The following EHHADH variants were observed in gnomAD, a reference collection of about 807,000 sequenced individuals.
EHHADH encodes the protein enoyl-CoA hydratase and 3-hydroxyacyl CoA dehydrogenase, also known as peroxisomal bifunctional enzyme.
In EHHADH, 48 loss-of-function variants were observed where a neutral mutation model predicts 64.4. The observed-to-expected ratio is 0.75, with a 90% CI of 0.59 to 0.95. EHHADH has a LOEUF of 0.95. Among genes scored for constraint, EHHADH ranks in the 40% least tolerant of loss-of-function variants. EHHADH has a pLI of 0.00. For missense variants in EHHADH, 854 were observed against 876.6 expected, an observed-to-expected ratio of 0.97 and a Z score of 0.33; for synonymous variants, 308 against 326.7, an observed-to-expected ratio of 0.94 and a Z score of 0.62.
chr3:185,217,124 C>G (rs1454121766), intron 5 of EHHADH, among the ~76,000 whole-genome samples: 1 of 152,086 alleles, frequency 6.6e-6, no homozygotes, highest in Non-Finnish European at 1.5e-5. Context: ...AATGTGGTCC[C>G]CAGTGTTTGA....
chr3:185,239,900 G>A (rs1719401647), intron 2 of EHHADH, among the ~76,000 whole-genome samples: 1 of 152,076 alleles, frequency 6.6e-6, no homozygotes, highest in African/African-American at 2.4e-5. Flanking sequence ...CATTCAGTAT[G>A]ATGTTGGCTG....
At chr3:185,203,938 GAGACC>G (rs1718299302) in intron 6 of EHHADH, among the ~76,000 whole-genome samples, 1 of 151,918 alleles carries the variant, frequency 6.6e-6, no homozygotes. Context: ...CCAGGAGTTC[GAGACC>G]AGCCTGACCA....
chr3:185,230,011 C>T (rs1021443078), intron 3 of EHHADH, among the ~76,000 whole-genome samples: 23 of 152,112 alleles, frequency 1.5e-4, no homozygotes, highest in African/African-American at 5.1e-4. Context: ...AATGGGCAAA[C>T]GATCTGGATA....
chr3:185,248,275 A>T, intron 2 of EHHADH, 139 bp downstream of exon 2: 2 of 697,848 alleles, frequency 2.9e-6, no homozygotes, highest in Admixed American at 4.3e-5. Flanking sequence ...CTTTCTCCAC[A>T]GTGTTACTCA....
chr3:185,193,152 C>T lies in EHHADH; in HGVS notation c.1246G>A (p.Asp416Asn), dbSNP rs1295846706. 6 of 1,613,096 alleles carry T rather than the reference C, an allele frequency of 3.7e-6. No homozygotes were observed. Among genetic ancestry groups the T allele is most frequent in the Non-Finnish European group, 5.1e-6 (6 of 1,179,630 alleles). The change falls in exon 7 of 7, where the codon GAT (aspartate) becomes AAT (asparagine). Residue 416 changes from aspartate (D) to asparagine (N), a missense_variant. Coordinates refer to ENST00000231887, the MANE Select transcript of EHHADH (RefSeq NM_001966.4). Reference sequence around the variant, plus strand: ...CGATCAGTGGAAGAAGCAATCTCATCAACATCCAGGGCTGAAGTATTAGTG... The same window carrying T: ...CGATCAGTGGAAGAAGCAATCTCATTAACATCCAGGGCTGAAGTATTAGTG... ...LCTNTSALDV[D>N]EIASSTDRPH... is the part of the protein sequence containing the mutation.
chr3:185,241,408 A>T (rs985462407), intron 2 of EHHADH, among the ~76,000 whole-genome samples: 9 of 152,232 alleles, frequency 5.9e-5, no homozygotes, highest in African/African-American at 2.2e-4. Flanking sequence ...ACTAGTTTAC[A>T]TTCCCACCAG....
intron 6 of EHHADH, among the ~76,000 whole-genome samples, chr3:185,199,305 C>T (rs981674459): frequency 2.0e-5 from 3 of 152,128 alleles, no homozygotes; most frequent in Non-Finnish European, 2.9e-5. Flanking sequence ...ATTTTCCTGC[C>T]GGCACACAGA....
rs35024076 is a variant in EHHADH at position 185,194,609 on chromosome 3, TAACAACAAC to T, written c.911-1131_911-1123del. Among the ~76,000 whole-genome samples the T allele has an allele frequency of 4.1e-3, 597 of 144,514 alleles. 6 individuals carry two copies. The highest frequency in any genetic ancestry group is 0.016 in the Admixed American group (227 of 14,384). 94.8% of individuals were successfully genotyped at this position (144,514 alleles called of 152,430 possible). On this transcript the variant is annotated intron_variant, in intron 6 of 6. Coordinates refer to ENST00000231887, the MANE Select transcript of EHHADH (RefSeq NM_001966.4). ...CCTGGGCAACAAGATTGAAACTCTG[TAACAACAAC>T]AACAACAACAACAACAACAACAACA...
chr3:185,223,206 A>G (rs1242967826), intron 4 of EHHADH, among the ~76,000 whole-genome samples: 1 of 151,994 alleles, frequency 6.6e-6, no homozygotes, highest in Non-Finnish European at 1.5e-5. Context: ...TCTTTTTGTT[A>G]AATTCTTCTG....
intron 2 of EHHADH, 133 bp downstream of exon 2, chr3:185,248,281 A>C (rs750441537): frequency 1.4e-6 from 1 of 730,256 alleles, no homozygotes; most frequent in African/African-American, 1.7e-5. Context: ...CCACAGTGTT[A>C]CTCATTCTCA....
At chr3:185,217,699 C>T (rs1718722216) in intron 5 of EHHADH, among the ~76,000 whole-genome samples, 1 of 151,990 alleles carries the variant, frequency 6.6e-6, no homozygotes, top group Non-Finnish European at 1.5e-5. Flanking sequence ...CATGCTTGTA[C>T]AACCTGCGGA....
chr3:185,222,578 A>G (rs1030613345), intron 4 of EHHADH, among the ~76,000 whole-genome samples: 24 of 152,326 alleles, frequency 1.6e-4, no homozygotes, highest in African/African-American at 5.3e-4. Context: ...GTCTGATTTA[A>G]CAGAAGACAG....
At chr3:185,237,121 T>A (rs934652726) in intron 2 of EHHADH, among the ~76,000 whole-genome samples, 6 of 152,204 alleles carry the variant, frequency 3.9e-5, no homozygotes, top group Admixed American at 3.9e-4. Context: ...ATTATCCCAG[T>A]TTCTGAAAAA....
At chr3:185,215,026 T>C (rs906125314) in intron 5 of EHHADH, among the ~76,000 whole-genome samples, 5 of 152,224 alleles carry the variant, frequency 3.3e-5, no homozygotes, top group Admixed American at 2.0e-4. Context: ...AGCATTCTAA[T>C]GAGAGCTTAT....
Position 185,229,467 on chromosome 3 carries a change from G to A in EHHADH, c.428C>T (p.Thr143Ile), listed in dbSNP as rs759871895. ...TAAGTCAAGTGCAGCAGGAACTCCA[G>A]TGAGTCTGGGGAGAAGCTGGGTTCC... is the stretch of plus-strand genomic sequence containing the variant. ...ARGTQLLPRL[T>I]GVPAALDLIT... Residue 143 changes from threonine to isoleucine, a missense_variant, in exon 4 of 7, where the codon ACT (threonine) becomes ATT (isoleucine). Transcript: ENST00000231887. 17 of 1,568,238 alleles carry A rather than the reference G, an allele frequency of 1.1e-5. No homozygotes were observed. In the East Asian group the frequency reaches 3.7e-4, roughly 34 times the overall value.
chr3:185,228,491 A>C (rs1560017028), intron 4 of EHHADH, among the ~76,000 whole-genome samples: 1 of 151,022 alleles, frequency 6.6e-6, no homozygotes, highest in Non-Finnish European at 1.5e-5. Context: ...CCAGCCTGAC[A>C]AACATGGAGA....
rs73052825 is a variant in EHHADH, at chr3:185,237,018, T to C, written c.179-1556A>G. ...GACATATGACTAATAACTGGTAGAATAGGGATTTAAACTTAGGCAATTTGA... is the reference window on the plus strand; with the variant it reads ...GACATATGACTAATAACTGGTAGAACAGGGATTTAAACTTAGGCAATTTGA... On this transcript the variant is annotated intron_variant, in intron 2 of 6. Transcript: ENST00000231887. 3.0e-3 allele frequency among the ~76,000 whole-genome samples: 462 copies of C among 152,308 alleles called. 2 individuals carry two copies. Among genetic ancestry groups the C allele is most frequent in the African/African-American group, 0.011 (438 of 41,576 alleles).
Position 185,196,702 on chromosome 3 carries a change from C to T in EHHADH, c.911-3215G>A, listed in dbSNP as rs566507080. On this transcript the variant is annotated intron_variant, in intron 6 of 6. Transcript: ENST00000231887. Reference sequence around the variant, plus strand: ...ATGAATGAATCTTGAAAGCATTATGCTAAGTTAAAGAAGCCAGGGCCGGAC... The same window carrying T: ...ATGAATGAATCTTGAAAGCATTATGTTAAGTTAAAGAAGCCAGGGCCGGAC... Among the ~76,000 whole-genome samples the T allele has an allele frequency of 2.0e-5, 3 of 151,994 alleles. No homozygotes were observed. In the South Asian group the frequency reaches 6.2e-4, roughly 32 times the overall value.
At chr3:185,195,981 T>G (rs1718050550) in intron 6 of EHHADH, among the ~76,000 whole-genome samples, 2 of 152,326 alleles carry the variant, frequency 1.3e-5, no homozygotes, top group Admixed American at 1.3e-4. Context: ...TCCAGAAAAT[T>G]GTGTATATTA....
Sources: allele counts gnomAD v4.1 joint callset (sites outside exome capture counted in the v4.1 genomes callset), GRCh38; gene constraint gnomAD v4.1.1; transcripts MANE v1.5; gene names NCBI Gene and HGNC (gene_info 2026-07-23, HGNC 2026-07-21).